ACOT1: variants seen among roughly 807,000 people sequenced by gnomAD.
The protein encoded by ACOT1 is acyl-CoA thioesterase 1.
Under a neutral mutation model 15.7 loss-of-function variants are expected in ACOT1, and 8 were observed. That is an observed-to-expected ratio of 0.51 (90% CI 0.30 to 0.92). The LOEUF is 0.92. Among genes scored for constraint, ACOT1 ranks in the 40% least tolerant of loss-of-function variants. The pLI is 0.06. For missense variants in ACOT1, 151 were observed against 539.4 expected, an observed-to-expected ratio of 0.28 and a Z score of 7.13; for synonymous variants, 67 against 241.2, an observed-to-expected ratio of 0.28 and a Z score of 6.69.
the ACOT1 span, chr14:73,520,836 G>A: frequency 1.2e-6 from 2 of 1,609,250 alleles, no homozygotes; most frequent in Non-Finnish European, 1.7e-6. Context: ...CTACCACAGG[G>A]GCCCAGCTCT....
At chr14:73,523,635 C>G in the ACOT1 span, among the ~76,000 whole-genome samples, 1 of 152,188 alleles carries the variant, frequency 6.6e-6, no homozygotes, top group Non-Finnish European at 1.5e-5. Flanking sequence ...TCTGCTTGAG[C>G]CAGTCCAGTC....
rs562372667 is a variant in ACOT1, at chr14:73,538,018, C to A, written c.457+140C>A. On this transcript the variant is annotated intron_variant, in intron 1 of 2. Transcript: ENST00000311148. ...CCCTCCTCCCGCCCCACCACCACCACCCCGGGCTATGTTGCCCAGGTAGGT... is the reference window on the plus strand; with the variant it reads ...CCCTCCTCCCGCCCCACCACCACCAACCCGGGCTATGTTGCCCAGGTAGGT... 17 of 781,992 alleles carry A rather than the reference C, an allele frequency of 2.2e-5. 5 individuals carry two copies. In the African/African-American group the frequency reaches 2.8e-4, roughly 13 times the overall value. The allele number at this position is 781,992 out of a possible 1,614,324, so 48.4% of individuals were successfully genotyped here. A position where few individuals can be genotyped will look rare whatever the true frequency, so the allele number is the denominator to read the frequency against.
chr14:73,499,405 G>A, the ACOT1 span, among the ~76,000 whole-genome samples: 1 of 152,114 alleles, frequency 6.6e-6, no homozygotes, highest in Non-Finnish European at 1.5e-5. Context: ...GCTTGGACCT[G>A]GGAGGCGGAG....
chr14:73,514,594 A>C, the ACOT1 span, among the ~76,000 whole-genome samples: 1 of 152,200 alleles, frequency 6.6e-6, no homozygotes, highest in Admixed American at 6.5e-5. Context: ...GATACGTTGC[A>C]ATTTAGTGTC....
At chr14:73,505,419 CAG>C in the ACOT1 span, among the ~76,000 whole-genome samples, 15,274 of 149,642 alleles carry the variant, frequency 0.1, 1,137 homozygotes, top group Non-Finnish European at 0.15. Context: ...TTTTTTGAGA[CAG>C]AGTCTCGCAC....
the ACOT1 span, chr14:73,492,007 G>T: frequency 1.2e-6 from 2 of 1,613,906 alleles, no homozygotes; most frequent in Non-Finnish European, 1.7e-6. This position sits in a 1 kb window ranked among gnomAD's most constrained non-coding sequence, Gnocchi z 4.9. Flanking sequence ...TTTACCTCAC[G>T]CCCCCTAACT....
the ACOT1 span, among the ~76,000 whole-genome samples, chr14:73,510,827 C>A: frequency 2.6e-5 from 4 of 152,142 alleles, no homozygotes; most frequent in Non-Finnish European, 5.9e-5. Flanking sequence ...TGAATTTATG[C>A]TTTACAGGAA....
At position 73,540,902 on chromosome 14, in the gene ACOT1, C is replaced by A. The variant is rs1487584607; in HGVS notation, c.458-591C>A. On this transcript the variant is annotated intron_variant, in intron 1 of 2. Transcript: ENST00000311148. The stretch of plus-strand genomic sequence containing the variant: ...GATTACAGGTGGCCGCCACCACACC[C>A]AGCTAATTTTTGTATTTTTAGTACA... 7.9e-5 allele frequency among the ~76,000 whole-genome samples: 9 copies of A among 113,870 alleles called. 1 individual carries two copies. The highest frequency in any genetic ancestry group is 2.1e-4 in the African/African-American group (7 of 33,742). The allele number at this position is 113,870 out of a possible 152,430, so 74.7% of individuals were successfully genotyped here.
the ACOT1 span, among the ~76,000 whole-genome samples, chr14:73,524,313 ATATATATATAT>A: frequency 1.1e-5 from 1 of 93,234 alleles, no homozygotes; most frequent in African/African-American, 4.2e-5. Context: ...AAAAAAAAAT[ATATATATATAT>A]ATATATATAT....
chr14:73,543,014 G>A lies in ACOT1; in HGVS notation c.661-36G>A, dbSNP rs766512115. The A allele has an allele frequency of 1.8e-4, 229 of 1,243,872 alleles. 61 individuals carry two copies. The highest frequency in any genetic ancestry group is 1.4e-3 in the South Asian group (104 of 72,806). 77.1% of individuals were successfully genotyped at this position (1,243,872 alleles called of 1,614,324 possible). A position where few individuals can be genotyped will look rare whatever the true frequency, so the allele number is the denominator to read the frequency against. On this transcript the variant is annotated intron_variant, in intron 2 of 2. Transcript: ENST00000311148. Reference sequence around the variant, plus strand: ...CTCACCATATTCCACTGTTTGTGGAGCCATTCTTCTTCTTTTTCCTTTGTC... The same window carrying A: ...CTCACCATATTCCACTGTTTGTGGAACCATTCTTCTTCTTTTTCCTTTGTC...
At chr14:73,506,672 A>C in the ACOT1 span, 2 of 832,690 alleles carry the variant, frequency 2.4e-6, no homozygotes, top group Non-Finnish European at 4.0e-6. Flanking sequence ...AATTAATGTC[A>C]CCAGTGGGCT....
At chr14:73,500,789 A>C in the ACOT1 span, 4 of 1,479,442 alleles carry the variant, frequency 2.7e-6, no homozygotes, top group Non-Finnish European at 3.7e-6. Flanking sequence ...CTAACCCCCA[A>C]CCCCCACTAA....
the ACOT1 span, among the ~76,000 whole-genome samples, chr14:73,517,956 C>A: frequency 6.6e-6 from 1 of 151,814 alleles, no homozygotes; most frequent in African/African-American, 2.4e-5. Flanking sequence ...TGTGGTGGCG[C>A]GCACCTGTAG....
chr14:73,506,492 G>A, the ACOT1 span: 2 of 1,613,586 alleles, frequency 1.2e-6, no homozygotes, highest in Admixed American at 1.7e-5. Context: ...ACTGATCCGG[G>A]AGAAAGCCTG....
chr14:73,529,354 CAAAA>C, the ACOT1 span, among the ~76,000 whole-genome samples: 10 of 87,446 alleles, frequency 1.1e-4, no homozygotes, highest in African/African-American at 3.2e-4. Context: ...GACTCTGTCT[CAAAA>C]AAAAAAAAAA....
the ACOT1 span, among the ~76,000 whole-genome samples, chr14:73,505,040 T>C: frequency 3.3e-5 from 5 of 152,110 alleles, no homozygotes; most frequent in African/African-American, 1.2e-4. Context: ...TAAGCGATTC[T>C]CCTGCCTCAG....
chr14:73,543,226 A>G lies in ACOT1; in HGVS notation c.837A>G (p.Arg279=). 6.2e-7 allele frequency: 1 copy of G among 1,602,878 alleles called. No homozygotes were observed. Among genetic ancestry groups the G allele is most frequent in the Non-Finnish European group, 8.5e-7 (1 of 1,175,396 alleles). Reference sequence around the variant, plus strand: ...CCCTGCCCCCTGTGGGCGTCAACAGAAATCGCATCAAGGTGACCAAAGATG... The same window carrying G: ...CCCTGCCCCCTGTGGGCGTCAACAGGAATCGCATCAAGGTGACCAAAGATG... ...GETLPPVGVN[R]NRIKVTKDGY... Residue 279 remains arginine, a synonymous_variant, in exon 3 of 3, where the codon AGA becomes AGG. Transcript: ENST00000311148.
chr14:73,493,211 C>T, the ACOT1 span: 29 of 1,076,686 alleles, frequency 2.7e-5, no homozygotes, highest in East Asian at 4.7e-5. Flanking sequence ...TCATCACCTT[C>T]AGGCTTCAGT....
In ACOT1 at chr14:73,537,642, G is replaced by A. The variant is rs1888908364; in HGVS notation, c.221G>A (p.Gly74Glu). The A allele has an allele frequency of 1.6e-6, 2 of 1,230,126 alleles. No individual in the cohort carries two copies. The highest frequency in any genetic ancestry group is 2.1e-6 in the Non-Finnish European group (2 of 933,294). 76.2% of individuals were successfully genotyped at this position (1,230,126 alleles called of 1,614,324 possible). A position where few individuals can be genotyped will look rare whatever the true frequency, so the allele number is the denominator to read the frequency against. ...RAPALGGSFA[G>E]LEPMGLLWAL... ...CCCGCGCTGGGCGGCAGCTTCGCGG[G>A]GCTTGAGCCCATGGGGCTGCTCTGG... The change falls in exon 1 of 3, where the codon GGG becomes GAG. Residue 74 changes from glycine to glutamate, a missense_variant. By Grantham distance (98) the Gly-to-Glu change is moderately conservative (BLOSUM62 -2). Transcript: ENST00000311148.
Sources: gnomAD v4.1 joint callset for allele counts (sites outside exome capture counted in the v4.1 genomes callset) on GRCh38, gnomAD v4.1.1 for gene constraint, Gnocchi (gnomAD v3.1) non-coding constraint, MANE v1.5 for transcripts, NCBI Gene and HGNC (gene_info 2026-07-23, HGNC 2026-07-21) for gene names.